MAP1S: variants seen among roughly 807,000 people sequenced by gnomAD.
The protein encoded by MAP1S is microtubule-associated protein 1S.
MAP1S carries 27 observed loss-of-function variants against 60.9 expected under a neutral mutation model. The observed-to-expected ratio is 0.44, with a 90% confidence interval of 0.33 to 0.61. The LOEUF is 0.61. MAP1S is among the 20% of genes least tolerant of loss of function. MAP1S has a pLI of 0.03. For missense variants in MAP1S, 1,608 were observed against 1,486.6 expected (o/e 1.08, Z -1.34); for synonymous variants, 826 against 694.2 (o/e 1.19, Z -2.98).
rs762189439 is a variant in MAP1S at position 17,728,065 on chromosome 19, G to A, written c.2681G>A (p.Arg894His). 4.3e-6 allele frequency: 7 copies of A among 1,612,566 alleles called. No individual in the cohort carries two copies. The highest frequency in any genetic ancestry group is 4.5e-5 in the East Asian group (2 of 44,856). Residue 894 changes from arginine (R) to histidine (H), a missense_variant, in exon 5 of 7, where the codon CGT becomes CAT. Arg to His is a conservative substitution (Grantham distance 29). This residue lies in a region of MAP1S where 1,167 missense variants were observed against 961.4 expected (regional missense o/e 1.21). Coordinates refer to ENST00000324096, the MANE Select transcript of MAP1S (RefSeq NM_018174.6). Reference sequence around the variant, plus strand: ...ACCAAGGGGCTTGCTGGTGGGGACCGTGCCAGCCGACCACTCAGTGCCCGG... The same window carrying A: ...ACCAAGGGGCTTGCTGGTGGGGACCATGCCAGCCGACCACTCAGTGCCCGG... ...AKTKGLAGGD[R>H]ASRPLSARSE...
At chr19:17,728,376 A>C (rs1243713981) in intron 5 of MAP1S, among the ~76,000 whole-genome samples, 1 of 152,142 alleles carries the variant, frequency 6.6e-6, no homozygotes, top group Non-Finnish European at 1.5e-5. Flanking sequence ...CAGCCTCTCC[A>C]GTAGCTGGGA....
At position 17,725,859 on chromosome 19, in the gene MAP1S, C is replaced by A; in HGVS notation, c.475C>A (p.Pro159Thr). ...GGACATCCTGGCCACCACGCCCCCA[C>A]CTGTGCAGCCGCCCATACTCACCAT... ...IRDILATTPP[P>T]VQPPILTITC... Residue 159 changes from proline (P) to threonine (T), a missense_variant, in exon 5 of 7, where the codon CCT becomes ACT. By Grantham distance (38) the Pro-to-Thr change is conservative. Coordinates refer to ENST00000324096, the MANE Select transcript of MAP1S (RefSeq NM_018174.6). This position sits in a 1 kb window ranked among gnomAD's most constrained non-coding sequence, Gnocchi z 4.2. The A allele has an allele frequency of 6.2e-7, 1 of 1,613,352 alleles. No homozygotes were observed. Among genetic ancestry groups the A allele is most frequent in the Non-Finnish European group, 8.5e-7 (1 of 1,179,954 alleles).
At chr19:17,724,068 C>T (rs2080394892) in intron 2 of MAP1S, 58 bp from the exon 3 acceptor site, 3 of 1,412,786 alleles carry the variant, frequency 2.1e-6, no homozygotes, top group East Asian at 2.3e-5. Context: ...GTTCATGTTC[C>T]CTGAGGGTCA....
rs1442582803 is a variant in MAP1S, at chr19:17,727,592, C to T, written c.2208C>T (p.Asp736=). 7 of 1,607,260 alleles carry T rather than the reference C, an allele frequency of 4.4e-6. No individual in the cohort carries two copies. Among genetic ancestry groups the T allele is most frequent in the Non-Finnish European group, 5.9e-6 (7 of 1,179,706 alleles). Residue 736 remains aspartate, a synonymous_variant, in exon 5 of 7, where the codon GAC becomes GAT. Coordinates refer to ENST00000324096, the MANE Select transcript of MAP1S (RefSeq NM_018174.6). The surrounding 1 kb of genome is among the most constrained non-coding windows in gnomAD (Gnocchi z 4.1). ...GCTCGGCTTCCCCACACGATGTGGA[C>T]CTGTGCCTGGTGTCACCCTGTGAAT... is the stretch of plus-strand genomic sequence containing the variant. ...ARRSASPHDV[D]LCLVSPCEFE... is the part of the protein sequence containing the mutation.
At position 17,727,796 on chromosome 19, in the gene MAP1S, C is replaced by T. The variant is rs755656299; in HGVS notation, c.2412C>T (p.Pro804=). ...LSDSDPVPLA[P]GAADSDEDTE... is the part of the protein sequence containing the mutation. ...ACTCGGATCCCGTGCCCCTGGCCCC[C>T]GGTGCGGCAGACTCAGACGAAGACA... The change falls in exon 5 of 7, where the codon CCC becomes CCT. Residue 804 remains proline, a synonymous_variant. Transcript: ENST00000324096. This position sits in a 1 kb window ranked among gnomAD's most constrained non-coding sequence, Gnocchi z 4.1. The T allele has an allele frequency of 1.6e-5, 25 of 1,612,042 alleles. No individual in the cohort carries two copies. The highest frequency in any genetic ancestry group is 2.2e-5 in the South Asian group (2 of 90,856).
chr19:17,728,001 G>A lies in MAP1S; in HGVS notation c.2617G>A (p.Ala873Thr), dbSNP rs756532316. ...GCCCCTGGCCCGCCCCAACTCACGCGCTGCCGCCCCCAAAGCCACTCCAGT... is the reference window on the plus strand; with the variant it reads ...GCCCCTGGCCCGCCCCAACTCACGCACTGCCGCCCCCAAAGCCACTCCAGT... ...RKPLARPNSRAAAPKATPVAA... is the reference protein window; with the variant it reads ...RKPLARPNSRTAAPKATPVAA... The change falls in exon 5 of 7, where the codon GCT (alanine) becomes ACT (threonine). Residue 873 changes from alanine to threonine, a missense_variant. By Grantham distance (58) the Ala-to-Thr change is moderately conservative (BLOSUM62 0). Around this residue, in one of 4 missense-constraint regions of MAP1S, gnomAD observed 1,167 missense variants for 961.4 expected, o/e 1.21. Transcript: ENST00000324096. 24 of 1,611,090 alleles carry A rather than the reference G, an allele frequency of 1.5e-5. No homozygotes were observed. The highest frequency in any genetic ancestry group is 2.2e-5 in the South Asian group (2 of 90,814).
chr19:17,734,175 C>A, intron 6 of MAP1S, 98 bp from the exon 7 acceptor site: 1 of 1,007,000 alleles, frequency 9.9e-7, no homozygotes, highest in Non-Finnish European at 1.5e-6. Flanking sequence ...GTCTCAAATG[C>A]CAGGAAAGGA....
chr19:17,732,627 C>T (rs546084610), intron 5 of MAP1S, among the ~76,000 whole-genome samples: 1 of 152,216 alleles, frequency 6.6e-6, no homozygotes, highest in Non-Finnish European at 1.5e-5. Context: ...GTCTTGGTCA[C>T]AGCCCTGTTT....
chr19:17,727,472 G>A lies in MAP1S; in HGVS notation c.2088G>A (p.Glu696=). ...VGSPHSTEVD[E]SLSVSFEQVL... ...CCCCGCACTCGACCGAGGTGGACGA[G>A]TCCCTGTCGGTGTCCTTTGAGCAGG... Residue 696 remains glutamate (E), a synonymous_variant, in exon 5 of 7, where the codon GAG becomes GAA. Coordinates refer to ENST00000324096, the MANE Select transcript of MAP1S (RefSeq NM_018174.6). This position sits in a 1 kb window ranked among gnomAD's most constrained non-coding sequence, Gnocchi z 4.1. The A allele has an allele frequency of 1.9e-6, 3 of 1,609,100 alleles. No individual in the cohort carries two copies. The highest frequency in any genetic ancestry group is 2.5e-6 in the Non-Finnish European group (3 of 1,178,248).
Position 17,728,126 on chromosome 19 carries a change from G to A in MAP1S, c.2742G>A (p.Leu914=). ...EPSEKGGRAP[L]SRKSSTPKTA... is the part of the protein sequence containing the mutation. ...GTGAGAAGGGAGGCCGGGCACCCCT[G>A]TCCAGAAAGTCCTCAACCCCCAAGA... The change falls in exon 5 of 7, where the codon CTG becomes CTA. Residue 914 remains leucine (L), a synonymous_variant. Coordinates refer to ENST00000324096, the MANE Select transcript of MAP1S (RefSeq NM_018174.6). 5 of 1,609,814 alleles carry A rather than the reference G, an allele frequency of 3.1e-6. No individual in the cohort carries two copies. The highest frequency in any genetic ancestry group is 4.2e-6 in the Non-Finnish European group (5 of 1,177,848).
chr19:17,727,866 C>T lies in MAP1S; in HGVS notation c.2482C>T (p.Leu828Phe), dbSNP rs371162643. 2.5e-6 allele frequency: 4 copies of T among 1,613,138 alleles called. No homozygotes were observed. The Admixed American group carries it at 5.0e-5, about 20-fold the overall frequency. ...VPRHDPLPDPLKVPPPLPDPS... is the reference protein window; with the variant it reads ...VPRHDPLPDPFKVPPPLPDPS... ...TCGCCACGACCCTTTGCCTGACCCC[C>T]TCAAGGTCCCCCCACCACTGCCTGA... is the stretch of plus-strand genomic sequence containing the variant. Residue 828 changes from leucine (L) to phenylalanine (F), a missense_variant, in exon 5 of 7, where the codon CTC becomes TTC. Coordinates refer to ENST00000324096, the MANE Select transcript of MAP1S (RefSeq NM_018174.6). The surrounding 1 kb of genome is among the most constrained non-coding windows in gnomAD (Gnocchi z 4.1).
rs139755294 is a variant in MAP1S at position 17,719,556 on chromosome 19, C to T, written c.54C>T (p.Leu18=). 5.7e-3 allele frequency: 7,087 copies of T among 1,246,080 alleles called. 328 individuals are homozygous for T. The African/African-American group carries it at 0.098, about 17-fold the overall frequency. The allele number at this position is 1,246,080 out of a possible 1,614,324, so 77.2% of individuals were successfully genotyped here. ...CCGCGGCTCCGAGCTCACTGCTCCT[C>T]GTGGTGGGCAGCGAGTTCGGGAGCC... ...GAAAAPSSLL[L]VVGSEFGSPG... is the part of the protein sequence containing the mutation. Residue 18 remains leucine, a synonymous_variant, in exon 1 of 7, where the codon CTC becomes CTT. Transcript: ENST00000324096.
chr19:17,722,071 T>C (rs781367861), intron 2 of MAP1S, among the ~76,000 whole-genome samples: 3 of 152,322 alleles, frequency 2.0e-5, no homozygotes, highest in Middle Eastern at 3.4e-3. Context: ...CTGGAAATCC[T>C]GTCTGCTGTG....
At chr19:17,723,134 C>T (rs945258991) in intron 2 of MAP1S, among the ~76,000 whole-genome samples, 1 of 152,176 alleles carries the variant, frequency 6.6e-6, no homozygotes, top group African/African-American at 2.4e-5. Flanking sequence ...ACTTCAGCCC[C>T]GGCCCTTATG....
At chr19:17,724,774 G>A (rs1161026815) in intron 3 of MAP1S, among the ~76,000 whole-genome samples, 4 of 152,296 alleles carry the variant, frequency 2.6e-5, no homozygotes, top group South Asian at 2.1e-4. Flanking sequence ...GGAGGGAGAG[G>A]TGGACTAGAG....
chr19:17,732,799 C>G (rs1430522953), intron 5 of MAP1S, among the ~76,000 whole-genome samples: 1 of 152,200 alleles, frequency 6.6e-6, no homozygotes, highest in Non-Finnish European at 1.5e-5. Context: ...CACTCGCCCC[C>G]CAGCCCTGGG....
chr19:17,727,726 A>C lies in MAP1S; in HGVS notation c.2342A>C (p.Glu781Ala), dbSNP rs1426604279. Residue 781 changes from glutamate to alanine, a missense_variant, in exon 5 of 7, where the codon GAG (glutamate) becomes GCG (alanine). Physicochemically the swap from Glu to Ala is moderately radical, Grantham distance 107 (BLOSUM62 -1). This residue lies in a region of MAP1S where 1,167 missense variants were observed against 961.4 expected (regional missense o/e 1.21). Coordinates refer to ENST00000324096, the MANE Select transcript of MAP1S (RefSeq NM_018174.6). This position sits in a 1 kb window ranked among gnomAD's most constrained non-coding sequence, Gnocchi z 4.1. ...QERAGGLGAE[E>A]TPPTSVSESL... Reference sequence around the variant, plus strand: ...CGGGCAGGTGGGCTGGGGGCCGAGGAGACGCCACCCACATCGGTCAGCGAG... The same window carrying C: ...CGGGCAGGTGGGCTGGGGGCCGAGGCGACGCCACCCACATCGGTCAGCGAG... The C allele has an allele frequency of 1.9e-6, 3 of 1,606,294 alleles. No individual in the cohort carries two copies. Among genetic ancestry groups the C allele is most frequent in the Non-Finnish European group, 2.5e-6 (3 of 1,176,560 alleles).
In MAP1S at chr19:17,727,301, C is replaced by G. The variant is rs1426703873; in HGVS notation, c.1917C>G (p.Pro639=). The G allele has an allele frequency of 1.9e-6, 3 of 1,591,330 alleles. No homozygotes were observed. The Admixed American group carries it at 5.2e-5, about 27-fold the overall frequency. Residue 639 remains proline, a synonymous_variant, in exon 5 of 7, where the codon CCC becomes CCG. Coordinates refer to ENST00000324096, the MANE Select transcript of MAP1S (RefSeq NM_018174.6). The surrounding 1 kb of genome is among the most constrained non-coding windows in gnomAD (Gnocchi z 4.1). The stretch of plus-strand genomic sequence containing the variant: ...GCTCAATCCCAAGGCCACGCACACC[C>G]TCCCCTGAGTCCCACCGGAGCCCCG... ...AASSIPRPRT[P]SPESHRSPAE... is the part of the protein sequence containing the mutation.
chr19:17,733,357 A>G lies in MAP1S; in HGVS notation c.2953A>G (p.Lys985Glu). 2.5e-6 allele frequency: 4 copies of G among 1,611,412 alleles called. No individual in the cohort carries two copies. Among genetic ancestry groups the G allele is most frequent in the Non-Finnish European group, 2.5e-6 (3 of 1,179,356 alleles). The change falls in exon 6 of 7, where the codon AAG becomes GAG. Residue 985 changes from lysine to glutamate, a missense_variant. By Grantham distance (56) the Lys-to-Glu change is moderately conservative (BLOSUM62 1). Transcript: ENST00000324096. ...CGTCATCAGTGGCCAGGACCAGCGC[A>G]AGGAGGAAGGCATGCGGGCCGTCCT... ...CYVISGQDQR[K>E]EEGMRAVLDA...
Sources: gnomAD v4.1 joint callset for allele counts (sites outside exome capture counted in the v4.1 genomes callset) on GRCh38, gnomAD v4.1.1 for gene constraint, gnomAD v4.1.1 regional missense constraint, Gnocchi (gnomAD v3.1) non-coding constraint, MANE v1.5 for transcripts, NCBI Gene and HGNC (gene_info 2026-07-23, HGNC 2026-07-21) for gene names.